The following MAPK4 variants were observed in gnomAD, a reference collection of about 807,000 sequenced individuals.
MAPK4 encodes the protein Erk3-related.
MAPK4 carries 22 observed loss-of-function variants against 47.7 expected under a neutral mutation model. The observed-to-expected ratio is 0.46, with a 90% CI of 0.33 to 0.66. The LOEUF is 0.66. MAPK4 is among the 30% of genes least tolerant of loss of function. MAPK4 has a pLI of 0.02. For synonymous variants in MAPK4, 390 were observed against 365.7 expected (o/e 1.07, Z -0.76); for missense variants, 736 against 831.7 (o/e 0.88, Z 1.42).
chr18:50,657,015 G>A (rs757420313), intron 1 of MAPK4, among the ~76,000 whole-genome samples: 5 of 152,182 alleles, frequency 3.3e-5, no homozygotes, highest in African/African-American at 4.8e-5. Flanking sequence ...GCTCCTCAGC[G>A]ATGCCAGCAA....
chr18:50,577,115 T>C (rs2042304499), intron 1 of MAPK4, among the ~76,000 whole-genome samples: 1 of 152,174 alleles, frequency 6.6e-6, no homozygotes, highest in African/African-American at 2.4e-5. Flanking sequence ...GAGCTTGTGA[T>C]CTGATTGTTC....
intron 2 of MAPK4, among the ~76,000 whole-genome samples, chr18:50,676,471 CA>C (rs1174563605): frequency 1.3e-5 from 2 of 152,168 alleles, no homozygotes; most frequent in Non-Finnish European, 2.9e-5. Context: ...AAGATGTCCT[CA>C]GGGGTTTTGT....
intron 2 of MAPK4, among the ~76,000 whole-genome samples, chr18:50,707,291 G>A (rs545427770): frequency 2.0e-5 from 3 of 152,290 alleles, no homozygotes; most frequent in African/African-American, 7.2e-5. Flanking sequence ...TCTTGGCTGG[G>A]TACAGTGGCT....
At chr18:50,698,715 A>G (rs1444229301) in intron 2 of MAPK4, among the ~76,000 whole-genome samples, 1 of 152,242 alleles carries the variant, frequency 6.6e-6, no homozygotes, top group Non-Finnish European at 1.5e-5. Flanking sequence ...AAAAGCCCTG[A>G]AAACAATATT....
At chr18:50,652,457 T>G (rs1598870032) in intron 1 of MAPK4, among the ~76,000 whole-genome samples, 1 of 152,042 alleles carries the variant, frequency 6.6e-6, no homozygotes, top group Admixed American at 6.6e-5. Context: ...TGGAAGGAAG[T>G]CAAGAACTCT....
intron 1 of MAPK4, among the ~76,000 whole-genome samples, chr18:50,605,091 T>C (rs2042571152): frequency 6.6e-6 from 1 of 152,216 alleles, no homozygotes; most frequent in Non-Finnish European, 1.5e-5. Context: ...ACATCAACGC[T>C]TTGATGCAGA....
chr18:50,623,986 G>T (rs2042754549), intron 1 of MAPK4, among the ~76,000 whole-genome samples: 1 of 152,176 alleles, frequency 6.6e-6, no homozygotes. Flanking sequence ...TACCTTTCAG[G>T]TCTCAGGCCA....
At chr18:50,644,876 A>G (rs925348451) in intron 1 of MAPK4, among the ~76,000 whole-genome samples, 7 of 152,222 alleles carry the variant, frequency 4.6e-5, no homozygotes, top group African/African-American at 1.7e-4. Context: ...CACCATTTGC[A>G]TAAGACGTGC....
chr18:50,679,668 G>A (rs1425530537), intron 2 of MAPK4, among the ~76,000 whole-genome samples: 3 of 152,184 alleles, frequency 2.0e-5, no homozygotes, highest in South Asian at 2.1e-4. Flanking sequence ...ATCAGGCTCC[G>A]TTCCAGAATT....
chr18:50,596,801 T>C (rs913158324), intron 1 of MAPK4, among the ~76,000 whole-genome samples: 2 of 152,200 alleles, frequency 1.3e-5, no homozygotes, highest in African/African-American at 4.8e-5. Context: ...GATGAGGCTG[T>C]TAAACACAAG....
chr18:50,720,575 C>T (rs543398302), intron 3 of MAPK4, among the ~76,000 whole-genome samples: 13 of 152,204 alleles, frequency 8.5e-5, no homozygotes, highest in South Asian at 4.1e-4. Flanking sequence ...CCCCCACCCC[C>T]GCTGTGGTTG....
At chr18:50,637,329 G>A (rs1370031372) in intron 1 of MAPK4, among the ~76,000 whole-genome samples, 5 of 152,176 alleles carry the variant, frequency 3.3e-5, no homozygotes, top group African/African-American at 1.2e-4. Context: ...AGCAAACAAA[G>A]TAGAGATCTT....
chr18:50,587,728 GTTTC>G (rs1351373164), intron 1 of MAPK4, among the ~76,000 whole-genome samples: 1 of 152,032 alleles, frequency 6.6e-6, no homozygotes, highest in Non-Finnish European at 1.5e-5. Context: ...CGATGATGTT[GTTTC>G]TTTCTTTCTT....
intron 2 of MAPK4, 80 bp from the exon 3 acceptor site, chr18:50,714,999 G>T: frequency 7.0e-7 from 1 of 1,424,734 alleles, no homozygotes; most frequent in Non-Finnish European, 9.7e-7. Context: ...CTGTTTCATG[G>T]GAGGGGAAAC....
intron 1 of MAPK4, among the ~76,000 whole-genome samples, chr18:50,634,090 T>C (rs918746121): frequency 6.6e-6 from 1 of 152,172 alleles, no homozygotes; most frequent in African/African-American, 2.4e-5. Flanking sequence ...AACCTTTTTA[T>C]AACTCTCAGG....
intron 1 of MAPK4, among the ~76,000 whole-genome samples, chr18:50,658,969 A>G (rs2043141070): frequency 6.6e-6 from 1 of 152,236 alleles, no homozygotes; most frequent in Admixed American, 6.5e-5. Context: ...ACAGCCCACA[A>G]GCCTAATCTG....
rs912891981 is a variant in MAPK4, at chr18:50,729,623, C to T, written c.1533C>T (p.Ala511=). 2 of 1,390,276 alleles carry T rather than the reference C, an allele frequency of 1.4e-6. No individual in the cohort carries two copies. Among genetic ancestry groups the T allele is most frequent in the Admixed American group, 3.7e-5 (1 of 27,138 alleles). The allele number at this position is 1,390,276 out of a possible 1,614,324, so 86.1% of individuals were successfully genotyped here. A position where few individuals can be genotyped will look rare whatever the true frequency, so the allele number is the denominator to read the frequency against. ...GCCCAGAGCACGCCAGCCCGCCCGC[C>T]GACGACCCCGAGCGCCGCTTGTCTG... The part of the protein sequence containing the change: ...QGGPEHASPP[A]DDPERRLSAS... The change falls in exon 6 of 6, where the codon GCC becomes GCT. Residue 511 remains alanine (A), a synonymous_variant. Transcript: ENST00000400384.
intron 1 of MAPK4, among the ~76,000 whole-genome samples, chr18:50,620,231 G>T (rs1464110322): frequency 6.6e-6 from 1 of 152,186 alleles, no homozygotes; most frequent in Non-Finnish European, 1.5e-5. Context: ...AAGTGGAAGT[G>T]TTATAGGAGA....
intron 3 of MAPK4, among the ~76,000 whole-genome samples, chr18:50,715,973 C>T (rs1173813682): frequency 1.3e-5 from 2 of 152,138 alleles, no homozygotes; most frequent in Non-Finnish European, 2.9e-5. Flanking sequence ...TTTTTGTTCA[C>T]TTTGGCACAA....
Sources: gnomAD v4.1 joint callset for allele counts (sites outside exome capture counted in the v4.1 genomes callset) on GRCh38, gnomAD v4.1.1 for gene constraint, MANE v1.5 for transcripts, NCBI Gene and HGNC (gene_info 2026-07-23, HGNC 2026-07-21) for gene names.